SHISA6: variants seen among roughly 807,000 people sequenced by gnomAD.
SHISA6 encodes shisa family member 6.
A neutral mutation model predicts 47.9 loss-of-function variants in SHISA6; 22 were observed. That is an observed-to-expected ratio of 0.46 (90% CI 0.33 to 0.66). The LOEUF is 0.66. SHISA6 is among the 30% of genes least tolerant of loss of function. The probability of loss-of-function intolerance (pLI) is 0.02; values close to 1 mark genes in which losing one functional copy is unlikely to be tolerated. For synonymous variants in SHISA6, 388 were observed against 337.8 expected (o/e 1.15, Z -1.63); for missense variants, 680 against 764.6 (o/e 0.89, Z 1.30).
chr17:11,353,611 A>T (rs1011647200), intron 2 of SHISA6, among the ~76,000 whole-genome samples: 2 of 152,136 alleles, frequency 1.3e-5, no homozygotes, highest in African/African-American at 4.8e-5. Context: ...GCTCACCCCC[A>T]GCTCTAGAAA....
chr17:11,466,571 C>T (rs1449917992), intron 3 of SHISA6, among the ~76,000 whole-genome samples: 1 of 152,186 alleles, frequency 6.6e-6, no homozygotes, highest in Non-Finnish European at 1.5e-5. Flanking sequence ...TCCCAAGTCA[C>T]ACTGCAGTTT....
chr17:11,398,271 C>A (rs73282875), intron 3 of SHISA6, among the ~76,000 whole-genome samples: 7,080 of 152,100 alleles, frequency 0.047, 504 homozygotes, highest in African/African-American at 0.15. Flanking sequence ...AAAAAGGCAT[C>A]CTCTTCTATT....
chr17:11,526,886 T>TATATATATAC (rs2071688088), intron 3 of SHISA6, among the ~76,000 whole-genome samples: 4 of 2,628 alleles, frequency 1.5e-3, no homozygotes, highest in African/African-American at 9.7e-3. Flanking sequence ...TCATCATATA[T>TATATATATAC]ATATATATAT....
chr17:11,273,217 T>A (rs1204566337), intron 2 of SHISA6, among the ~76,000 whole-genome samples: 1 of 152,208 alleles, frequency 6.6e-6, no homozygotes, highest in East Asian at 1.9e-4. Flanking sequence ...TGCTGACTGA[T>A]CTGGGCGCTA....
intron 2 of SHISA6, among the ~76,000 whole-genome samples, chr17:11,281,564 T>G (rs11870790): frequency 0.11 from 17,239 of 152,228 alleles, 1,250 homozygotes; most frequent in African/African-American, 0.2. Context: ...AAAATTTTGT[T>G]AAGAACTTTT....
chr17:11,351,139 TG>T (rs1180262297), intron 2 of SHISA6, among the ~76,000 whole-genome samples: 2 of 151,032 alleles, frequency 1.3e-5, no homozygotes, highest in Non-Finnish European at 1.5e-5. Flanking sequence ...TGGGGCCTGT[TG>T]GGGGGTGGGG....
At chr17:11,370,509 A>G (rs1013228101) in intron 2 of SHISA6, among the ~76,000 whole-genome samples, 3 of 152,194 alleles carry the variant, frequency 2.0e-5, no homozygotes, top group African/African-American at 7.2e-5. Context: ...TTTGGGGGAC[A>G]TTTAGTTGAA....
At chr17:11,295,423 GAGAC>G (rs1909716872) in intron 2 of SHISA6, among the ~76,000 whole-genome samples, 1 of 152,182 alleles carries the variant, frequency 6.6e-6, no homozygotes, top group South Asian at 2.1e-4. Context: ...GTCAGTGGGG[GAGAC>G]AGACAGTAAA....
chr17:11,478,951 T>C (rs965495335), intron 3 of SHISA6, among the ~76,000 whole-genome samples: 62 of 152,082 alleles, frequency 4.1e-4, no homozygotes, highest in African/African-American at 1.4e-3. Flanking sequence ...TTCCCAATTC[T>C]GTGAAGAAAG....
chr17:11,490,698 G>T (rs1916454015), intron 3 of SHISA6, among the ~76,000 whole-genome samples: 1 of 152,214 alleles, frequency 6.6e-6, no homozygotes, highest in South Asian at 2.1e-4. Context: ...GGTCAGACCT[G>T]AGCCAGAGGC....
chr17:11,556,039 C>A, intron 5 of SHISA6, 147 bp downstream of exon 5: 1 of 1,096,650 alleles, frequency 9.1e-7, no homozygotes, highest in Non-Finnish European at 1.2e-6. Flanking sequence ...AGAGAATAGA[C>A]AAGCTCTTTG....
chr17:11,532,795 A>G (rs1032978410), intron 3 of SHISA6, among the ~76,000 whole-genome samples: 3 of 119,964 alleles, frequency 2.5e-5, no homozygotes, highest in Non-Finnish European at 4.7e-5. Flanking sequence ...AGGCTTCCTC[A>G]TGACACATAT....
intron 3 of SHISA6, among the ~76,000 whole-genome samples, chr17:11,488,890 A>G (rs190815434): frequency 6.6e-6 from 1 of 152,312 alleles, no homozygotes; most frequent in East Asian, 1.9e-4. Flanking sequence ...TGGTTCCTCA[A>G]AGAAAAATCA....
intron 3 of SHISA6, among the ~76,000 whole-genome samples, chr17:11,393,128 G>C (rs205062): frequency 0.8 from 122,032 of 152,214 alleles, 50,007 homozygotes; most frequent in East Asian, 0.94. Context: ...GAAGATATCT[G>C]GGCATTTATT....
chr17:11,299,214 A>T (rs950553801), intron 2 of SHISA6, among the ~76,000 whole-genome samples: 3 of 152,246 alleles, frequency 2.0e-5, no homozygotes, highest in Admixed American at 6.5e-5. Flanking sequence ...GTTCTCCCCC[A>T]TAAAATAAAG....
At chr17:11,516,399 AC>A (rs1175817815) in intron 3 of SHISA6, among the ~76,000 whole-genome samples, 1 of 152,194 alleles carries the variant, frequency 6.6e-6, no homozygotes, top group Admixed American at 6.5e-5. Flanking sequence ...CCTTGACAAC[AC>A]ACCTAACTTC....
At chr17:11,406,635 C>G (rs1194491513) in intron 3 of SHISA6, among the ~76,000 whole-genome samples, 1 of 152,198 alleles carries the variant, frequency 6.6e-6, no homozygotes, top group African/African-American at 2.4e-5. Context: ...GAGTGTCTTG[C>G]CAATCTCTCA....
chr17:11,457,147 T>G (rs1567610876), intron 3 of SHISA6, among the ~76,000 whole-genome samples: 1 of 152,180 alleles, frequency 6.6e-6, no homozygotes, highest in Non-Finnish European at 1.5e-5. Context: ...ACTGAATATT[T>G]ATGATGCCCC....
At chr17:11,289,575 CAA>C (rs1909444786) in intron 2 of SHISA6, 4 of 119,506 alleles carry the variant, frequency 3.3e-5, no homozygotes, top group Admixed American at 9.5e-5. Context: ...AATATACATA[CAA>C]ATATATATAT....
Sources: gnomAD v4.1 joint callset for allele counts (sites outside exome capture counted in the v4.1 genomes callset) on GRCh38, gnomAD v4.1.1 for gene constraint, MANE v1.5 for transcripts, NCBI Gene and HGNC (gene_info 2026-07-23, HGNC 2026-07-21) for gene names.